Variants in FRMD4A observed in about 807,000 individuals in gnomAD.
The protein encoded by FRMD4A is FERM domain-containing protein 4A.
FRMD4A carries 29 observed loss-of-function variants against 129.1 expected under a neutral mutation model. The observed-to-expected ratio is 0.22, with a 90% CI of 0.17 to 0.31. The LOEUF (loss-of-function observed/expected upper bound fraction) is 0.31, where lower values mean the gene tolerates loss of function less well. Ranked by LOEUF, FRMD4A falls within the 10% of genes least tolerant of loss-of-function variation. The probability of loss-of-function intolerance (pLI) is 1.00; values close to 1 mark genes in which losing one functional copy is unlikely to be tolerated. For synonymous variants in FRMD4A, 634 were observed against 571.6 expected (o/e 1.11, Z -1.56); for missense variants, 1,272 against 1,375.8 (o/e 0.92, Z 1.19).
intron 2 of FRMD4A, among the ~76,000 whole-genome samples, chr10:14,126,981 C>A (rs1349895982): frequency 6.6e-6 from 1 of 152,170 alleles, no homozygotes; most frequent in Non-Finnish European, 1.5e-5. Flanking sequence ...AGGGTCACAA[C>A]AGTGAGCAAG....
chr10:13,860,508 C>T (rs573973232), intron 2 of FRMD4A, among the ~76,000 whole-genome samples: 2 of 152,270 alleles, frequency 1.3e-5, no homozygotes, highest in African/African-American at 4.8e-5. Flanking sequence ...TAGAGGAAAT[C>T]CTTTAGAGAA....
At chr10:13,669,573 C>T (rs919225836) in intron 17 of FRMD4A, among the ~76,000 whole-genome samples, 1 of 152,190 alleles carries the variant, frequency 6.6e-6, no homozygotes, top group Non-Finnish European at 1.5e-5. Context: ...AAATGTACAG[C>T]ATTCCTTTTT....
intron 2 of FRMD4A, among the ~76,000 whole-genome samples, chr10:14,000,904 C>G (rs2095640577): frequency 6.6e-6 from 1 of 152,160 alleles, no homozygotes; most frequent in South Asian, 2.1e-4. Context: ...TCCAGAGACT[C>G]TCCTCAATGT....
intron 2 of FRMD4A, among the ~76,000 whole-genome samples, chr10:13,902,976 T>C (rs1175590931): frequency 6.6e-6 from 1 of 152,186 alleles, no homozygotes; most frequent in Non-Finnish European, 1.5e-5. Context: ...CCAAAGATAT[T>C]GATCCTGCTG....
chr10:13,707,164 C>T (rs765653065), intron 12 of FRMD4A, 51 bp from the exon 13 acceptor site: 5 of 1,032,900 alleles, frequency 4.8e-6, no homozygotes, highest in Non-Finnish European at 7.7e-6. Flanking sequence ...GGCTCCTGGG[C>T]CATCTTCCCC....
At chr10:14,190,901 G>A (rs956873626) in intron 2 of FRMD4A, among the ~76,000 whole-genome samples, 7 of 152,310 alleles carry the variant, frequency 4.6e-5, no homozygotes, top group African/African-American at 1.4e-4. Context: ...TATTCGTGAT[G>A]CCTCCTGGGG....
intron 2 of FRMD4A, among the ~76,000 whole-genome samples, chr10:14,168,064 G>T (rs1445966344): frequency 1.3e-5 from 2 of 152,194 alleles, no homozygotes; most frequent in African/African-American, 4.8e-5. Flanking sequence ...CAGGTGATTG[G>T]AAGGCTAGCT....
chr10:13,830,918 T>C (rs2093780458), intron 3 of FRMD4A, among the ~76,000 whole-genome samples: 2 of 152,144 alleles, frequency 1.3e-5, no homozygotes, highest in Admixed American at 6.6e-5. Flanking sequence ...GCCTCCCAAG[T>C]AGCTGGGATT....
At chr10:13,729,777 C>T (rs2090197314) in intron 12 of FRMD4A, among the ~76,000 whole-genome samples, 1 of 152,162 alleles carries the variant, frequency 6.6e-6, no homozygotes. Context: ...CCCCTAATTG[C>T]ACATCAAATA....
At chr10:14,141,006 C>T (rs1362996308) in intron 2 of FRMD4A, among the ~76,000 whole-genome samples, 1 of 152,056 alleles carries the variant, frequency 6.6e-6, no homozygotes, top group Non-Finnish European at 1.5e-5. Flanking sequence ...CAGTCCAACC[C>T]TAGGGACACC....
intron 5 of FRMD4A, among the ~76,000 whole-genome samples, chr10:13,789,589 C>CACA (rs1381827376): frequency 6.7e-6 from 1 of 148,812 alleles, no homozygotes; most frequent in African/African-American, 2.6e-5. Context: ...CACACACACA[C>CACA]ATGACGCAGA....
chr10:14,307,962 G>C (rs1229430067), intron 2 of FRMD4A, among the ~76,000 whole-genome samples: 1 of 151,850 alleles, frequency 6.6e-6, no homozygotes, highest in Non-Finnish European at 1.5e-5. Flanking sequence ...TTCATTATGA[G>C]ATGAGTTGTT....
chr10:14,226,888 G>A (rs896263726), intron 2 of FRMD4A, among the ~76,000 whole-genome samples: 4 of 152,042 alleles, frequency 2.6e-5, no homozygotes, highest in African/African-American at 9.7e-5. Flanking sequence ...GACCCCAATC[G>A]ACTCTTCACA....
chr10:14,067,694 G>A (rs770828469), intron 2 of FRMD4A, among the ~76,000 whole-genome samples: 82 of 152,262 alleles, frequency 5.4e-4, no homozygotes, highest in East Asian at 7.7e-4. Context: ...GTGCATGCCC[G>A]TAGTCCCAGC....
intron 2 of FRMD4A, among the ~76,000 whole-genome samples, chr10:13,946,823 G>A (rs749742026): frequency 2.0e-5 from 3 of 152,144 alleles, no homozygotes; most frequent in East Asian, 1.9e-4. Flanking sequence ...TCTATCTCTC[G>A]ATGCCTGTCC....
intron 3 of FRMD4A, among the ~76,000 whole-genome samples, chr10:13,820,184 T>C (rs75995106): frequency 0.1 from 15,605 of 151,730 alleles, 1,025 homozygotes; most frequent in Admixed American, 0.15. Context: ...GGAGAGTGAG[T>C]TTCTGTTATT....
intron 3 of FRMD4A, among the ~76,000 whole-genome samples, chr10:13,814,752 A>C (rs1049512178): frequency 6.6e-6 from 1 of 152,116 alleles, no homozygotes; most frequent in Admixed American, 6.6e-5. Context: ...GAGATACATA[A>C]GTTTGCCCAG....
intron 3 of FRMD4A, among the ~76,000 whole-genome samples, chr10:13,840,999 T>C (rs1432463346): frequency 6.6e-6 from 1 of 151,972 alleles, no homozygotes; most frequent in African/African-American, 2.4e-5. Context: ...TCCAAGCTAC[T>C]AGGGAGGCTG....
chr10:14,082,509 C>T (rs143843503), intron 2 of FRMD4A, among the ~76,000 whole-genome samples: 251 of 152,214 alleles, frequency 1.6e-3, no homozygotes, highest in Non-Finnish European at 2.9e-3. Flanking sequence ...TTCTTTCCTC[C>T]ATGCTGTGGT....
Sources: gnomAD v4.1 joint callset for allele counts (sites outside exome capture counted in the v4.1 genomes callset) on GRCh38, gnomAD v4.1.1 for gene constraint, MANE v1.5 for transcripts, NCBI Gene and HGNC (gene_info 2026-07-23, HGNC 2026-07-21) for gene names.